The following OMA1 variants were observed in gnomAD, a reference collection of about 807,000 sequenced individuals.
OMA1 encodes OMA1 zinc metallopeptidase, also known as metalloendopeptidase OMA1, mitochondrial.
Under a neutral mutation model 30.9 loss-of-function variants are expected in OMA1, and 38 were observed. The ratio of observed to expected loss-of-function variants is 1.23; its 90% CI spans 0.95 to 1.61. The LOEUF (loss-of-function observed/expected upper bound fraction) is 1.61. OMA1 is among the 40% of genes most tolerant of loss of function. The pLI is 0.00. For synonymous variants in OMA1, 173 were observed against 121.9 expected, an observed-to-expected ratio of 1.42 and a Z score of -2.76; for missense variants, 461 against 349.2, an observed-to-expected ratio of 1.32 and a Z score of -2.55.
At chr1:58,541,677 A>T (rs1248824135) in intron 1 of OMA1, 1 of 150,430 alleles carries the variant, frequency 6.6e-6, no homozygotes, top group Admixed American at 6.6e-5. Flanking sequence ...AGATTGAGGG[A>T]ATCTAAATAT....
intron 8 of OMA1, among the ~76,000 whole-genome samples, chr1:58,491,829 C>A (rs1557439284): frequency 6.6e-6 from 1 of 152,176 alleles, no homozygotes; most frequent in Non-Finnish European, 1.5e-5. Context: ...GACTTTAACA[C>A]CCCACTGTTA....
rs1315649425 is a variant in OMA1 at position 58,481,063 on chromosome 1, G to C, written c.1477C>G (p.Leu493Val). 7 of 871,632 alleles carry C rather than the reference G, an allele frequency of 8.0e-6. No homozygotes were observed. The highest frequency in any genetic ancestry group is 1.4e-5 in the Non-Finnish European group (7 of 501,172). 54.0% of individuals were successfully genotyped at this position (871,632 alleles called of 1,614,324 possible). The part of the protein sequence containing the change: ...HFLEESEKED[L>V]NITKKQKMDT... The stretch of plus-strand genomic sequence containing the variant: ...ATTTTCTGTTTCTTCGTGATATTTA[G>C]GTCTTCTTTCTCTGATTCTTCAAGA... The change falls in exon 9 of 9, where the codon CTA (leucine) becomes GTA (valine). Residue 493 changes from leucine (L) to valine (V), a missense_variant. By Grantham distance (32) the Leu-to-Val change is conservative. Transcript: ENST00000371226.
At chr1:58,487,626 T>C (rs1645597905) in intron 8 of OMA1, among the ~76,000 whole-genome samples, 2 of 152,222 alleles carry the variant, frequency 1.3e-5, no homozygotes, top group South Asian at 4.1e-4. Context: ...TAATTTATTA[T>C]GACTCTATGG....
At chr1:58,529,848 G>C (rs531072425) in intron 6 of OMA1, among the ~76,000 whole-genome samples, 13 of 152,006 alleles carry the variant, frequency 8.6e-5, no homozygotes, top group Non-Finnish European at 1.9e-4. Context: ...GAGAGGATGT[G>C]CATAGTTACA....
rs1445529350 is a variant in OMA1, at chr1:58,481,115, T to C, written c.1425A>G (p.Leu475=). The C allele has an allele frequency of 5.7e-6, 5 of 871,916 alleles. No homozygotes were observed. The highest frequency in any genetic ancestry group is 1.0e-5 in the Non-Finnish European group (5 of 501,158). 54.0% of individuals were successfully genotyped at this position (871,916 alleles called of 1,614,324 possible). A position where few individuals can be genotyped will look rare whatever the true frequency, so the allele number is the denominator to read the frequency against. ...CPPLSNPDPR[L]LFKLSTKHFL... is the part of the protein sequence containing the mutation. ...AATGCTTCGTGCTGAGTTTGAATAG[T>C]AATCGAGGGTCTGGATTAGACAGTG... Residue 475 remains leucine (L), a synonymous_variant, in exon 9 of 9, where the codon TTA becomes TTG. Coordinates refer to ENST00000371226, the MANE Select transcript of OMA1 (RefSeq NM_145243.5).
intron 8 of OMA1, among the ~76,000 whole-genome samples, chr1:58,490,251 C>A (rs1025538657): frequency 6.6e-6 from 1 of 152,086 alleles, no homozygotes; most frequent in Non-Finnish European, 1.5e-5. Context: ...CCTTAAAGGA[C>A]CTGATGGAGC....
chr1:58,514,266 T>C (rs149743627), intron 7 of OMA1, among the ~76,000 whole-genome samples: 94 of 152,260 alleles, frequency 6.2e-4, no homozygotes, highest in Middle Eastern at 3.4e-3. Flanking sequence ...AAATTATAAA[T>C]TCAGTGGGAT....
At chr1:58,539,429 C>T (rs374132886) in intron 1 of OMA1, 119 bp from the exon 2 acceptor site, 6 of 617,298 alleles carry the variant, frequency 9.7e-6, no homozygotes, top group East Asian at 5.5e-5. Flanking sequence ...GGCTAAATTA[C>T]CTTGGGTTTC....
chr1:58,533,750 T>C (rs1272281909), intron 5 of OMA1, among the ~76,000 whole-genome samples: 1 of 152,176 alleles, frequency 6.6e-6, no homozygotes, highest in Non-Finnish European at 1.5e-5. Context: ...AGAAAAATAT[T>C]ATTCAGTATC....
intron 8 of OMA1, among the ~76,000 whole-genome samples, chr1:58,492,869 C>T (rs948085103): frequency 2.0e-5 from 3 of 152,300 alleles, no homozygotes; most frequent in Non-Finnish European, 2.9e-5. Context: ...CCTTCTGAAA[C>T]TATTCCAATC....
At chr1:58,532,741 GT>G (rs534430662) in intron 5 of OMA1, among the ~76,000 whole-genome samples, 196 of 152,208 alleles carry the variant, frequency 1.3e-3, no homozygotes, top group African/African-American at 4.6e-3. Flanking sequence ...GCCGAGGCCA[GT>G]CTCAAACTCC....
At chr1:58,539,443 T>C in intron 1 of OMA1, 133 bp from the exon 2 acceptor site, 1 of 601,300 alleles carries the variant, frequency 1.7e-6, no homozygotes, top group Admixed American at 3.2e-5. Flanking sequence ...GGGTTTCAAC[T>C]CATCACCCCT....
intron 8 of OMA1, among the ~76,000 whole-genome samples, chr1:58,487,170 A>C (rs1259670000): frequency 1.3e-5 from 2 of 152,232 alleles, no homozygotes; most frequent in East Asian, 3.8e-4. Flanking sequence ...TTTACTAGGA[A>C]AGGAGCAGTG....
chr1:58,488,702 G>A (rs111270949), intron 8 of OMA1, among the ~76,000 whole-genome samples: 13 of 152,096 alleles, frequency 8.5e-5, no homozygotes, highest in South Asian at 2.1e-4. Context: ...CTCCTGCCTC[G>A]GCCTCCAAAA....
chr1:58,485,402 T>G (rs1002049917), intron 8 of OMA1, among the ~76,000 whole-genome samples: 1 of 151,996 alleles, frequency 6.6e-6, no homozygotes. Flanking sequence ...TTTGGAGATG[T>G]CTGAGCTAGG....
At chr1:58,483,790 G>A (rs1331246951) in intron 8 of OMA1, among the ~76,000 whole-genome samples, 1 of 152,216 alleles carries the variant, frequency 6.6e-6, no homozygotes, top group Non-Finnish European at 1.5e-5. Context: ...AGCCATGACT[G>A]TCTCTGCAAA....
intron 8 of OMA1, among the ~76,000 whole-genome samples, chr1:58,490,496 G>C (rs1422459706): frequency 6.6e-6 from 1 of 152,166 alleles, no homozygotes; most frequent in Admixed American, 6.5e-5. Flanking sequence ...AGGGAGAATG[G>C]AACCAAGTTG....
chr1:58,545,798 G>A (rs1347655365), intron 1 of OMA1, among the ~76,000 whole-genome samples: 1 of 152,098 alleles, frequency 6.6e-6, no homozygotes, highest in East Asian at 1.9e-4. Flanking sequence ...CTGTCAGATT[G>A]GCAAAAATAG....
intron 6 of OMA1, among the ~76,000 whole-genome samples, chr1:58,528,962 A>G (rs1333235925): frequency 6.6e-6 from 1 of 152,238 alleles, no homozygotes; most frequent in Non-Finnish European, 1.5e-5. Flanking sequence ...GATAAATGTT[A>G]TCTTTCTTAT....
Sources: allele counts gnomAD v4.1 joint callset (sites outside exome capture counted in the v4.1 genomes callset), GRCh38; gene constraint gnomAD v4.1.1; transcripts MANE v1.5; gene names NCBI Gene and HGNC (gene_info 2026-07-23, HGNC 2026-07-21).